Variants in PKHD1 observed in about 807,000 individuals in gnomAD.
PKHD1 encodes fibrocystin.
In PKHD1, 291 loss-of-function variants were observed where a neutral mutation model predicts 412.0. That is an observed-to-expected ratio of 0.71 (90% confidence interval 0.64 to 0.78). PKHD1 has a LOEUF of 0.78. Among genes scored for constraint, PKHD1 ranks in the 30% least tolerant of loss-of-function variants. The probability of loss-of-function intolerance (pLI) is 0.00; values close to 1 mark genes in which losing one functional copy is unlikely to be tolerated. For synonymous variants in PKHD1, 1,777 were observed against 1,821.5 expected, an observed-to-expected ratio of 0.98 and a Z score of 0.62; for missense variants, 4,825 against 4,950.7, an observed-to-expected ratio of 0.97 and a Z score of 0.76.
intron 26 of PKHD1, 99 bp from the exon 27 acceptor site, chr6:52,043,233 G>A (rs921093072): frequency 1.8e-5 from 17 of 953,864 alleles, no homozygotes; most frequent in Non-Finnish European, 2.7e-5. Flanking sequence ...TTCCTTCTCT[G>A]CCCCCATCCC....
At chr6:52,030,642 C>T (rs576071564) in intron 29 of PKHD1, among the ~76,000 whole-genome samples, 2 of 151,432 alleles carry the variant, frequency 1.3e-5, no homozygotes, top group African/African-American at 4.9e-5. Flanking sequence ...AGTATTGGGC[C>T]ACCATCCAGA....
At chr6:51,725,509 AAAG>A (rs771595386) in intron 60 of PKHD1, among the ~76,000 whole-genome samples, 1 of 152,302 alleles carries the variant, frequency 6.6e-6, no homozygotes, top group South Asian at 2.1e-4. Context: ...GAGGAAATGC[AAAG>A]AAGAAGGAAA....
intron 60 of PKHD1, among the ~76,000 whole-genome samples, chr6:51,666,693 C>A (rs541571999): frequency 2.6e-5 from 3 of 113,370 alleles, no homozygotes; most frequent in Non-Finnish European, 5.2e-5. Context: ...ATCCCTCCCC[C>A]CTCCCCCCAC....
Position 51,619,425 on chromosome 6 carries a change from G to A in PKHD1, c.11881C>T (p.Arg3961Ter), listed in dbSNP as rs144193508. 67 of 1,613,672 alleles carry A rather than the reference G, an allele frequency of 4.2e-5. No individual in the cohort carries two copies. The highest frequency in any genetic ancestry group is 4.7e-5 in the Non-Finnish European group (55 of 1,179,658). ...SRRKVSRHIVREEEAAVPAPG... is the reference protein window; with the variant it reads ...SRRKVSRHIV Reference sequence around the variant, plus strand: ...GCAGGCACAGCAGCCTCTTCCTCTCGGACAATGTGGCGGCTAACTTTCCTT... The same window carrying A: ...GCAGGCACAGCAGCCTCTTCCTCTCAGACAATGTGGCGGCTAACTTTCCTT... Residue 3961 changes from arginine (R) to a stop codon, truncating the protein, a stop_gained, in exon 67 of 67, where the codon CGA becomes TGA. Transcript: ENST00000371117. LOFTEE classifies it low-confidence loss of function (END_TRUNC).
chr6:51,948,643 A>T (rs1789840796), intron 36 of PKHD1, among the ~76,000 whole-genome samples: 1 of 152,244 alleles, frequency 6.6e-6, no homozygotes, highest in Non-Finnish European at 1.5e-5. Context: ...GTGTTAAGTG[A>T]TCACTCAATA....
chr6:52,010,232 TG>T lies in PKHD1; in HGVS notation c.5751+76del, dbSNP rs763884683. The T allele has an allele frequency of 4.3e-5, 57 of 1,321,118 alleles. 1 individual carries two copies. The highest frequency in any genetic ancestry group is 2.3e-4 in the South Asian group (19 of 83,018). The allele number at this position is 1,321,118 out of a possible 1,614,324, so 81.8% of individuals were successfully genotyped here. A position where few individuals can be genotyped will look rare whatever the true frequency, so the allele number is the denominator to read the frequency against. ...TATATCGCTGCCATTTGGACTAAAT[TG>T]TTTTTTTAATGTACACAATATTACA... On this transcript the variant is annotated intron_variant, in intron 35 of 66. Transcript: ENST00000371117.
chr6:51,895,894 CA>C (rs1779852485), intron 43 of PKHD1, among the ~76,000 whole-genome samples: 1 of 152,072 alleles, frequency 6.6e-6, no homozygotes, highest in Admixed American at 6.6e-5. Context: ...CCTAGTCAAA[CA>C]AAGGGGTGAT....
intron 32 of PKHD1, 39 bp from the exon 33 acceptor site, chr6:52,022,983 A>T (rs1466304439): frequency 6.2e-7 from 1 of 1,612,178 alleles, no homozygotes; most frequent in Admixed American, 1.7e-5. Flanking sequence ...TCATACAGGC[A>T]AATCTCCCTT....
chr6:51,647,335 AC>A, intron 63 of PKHD1, among the ~76,000 whole-genome samples: 1 of 152,266 alleles, frequency 6.6e-6, no homozygotes, highest in Admixed American at 6.5e-5. Flanking sequence ...TTCTCTCTAG[AC>A]CAGGCCCTAA....
intron 38 of PKHD1, 92 bp from the exon 39 acceptor site, chr6:51,912,048 G>A: frequency 9.9e-7 from 1 of 1,014,250 alleles, no homozygotes; most frequent in Non-Finnish European, 1.5e-6. Context: ...TTCTTCCTTT[G>A]GGGATCTATT....
chr6:52,073,305 T>G (rs1396295800), intron 7 of PKHD1, among the ~76,000 whole-genome samples, 158 bp downstream of exon 7: 1 of 152,200 alleles, frequency 6.6e-6, no homozygotes, highest in Non-Finnish European at 1.5e-5. Context: ...TTAACAAAGT[T>G]TGCTGAAGCC....
intron 36 of PKHD1, among the ~76,000 whole-genome samples, chr6:51,934,527 C>G (rs1276741333): frequency 6.6e-6 from 1 of 152,140 alleles, no homozygotes; most frequent in Non-Finnish European, 1.5e-5. Flanking sequence ...TTTAGGTTAG[C>G]TATTACTATT....
chr6:51,786,936 T>G (rs958558847), intron 53 of PKHD1, among the ~76,000 whole-genome samples: 1 of 152,240 alleles, frequency 6.6e-6, no homozygotes, highest in Non-Finnish European at 1.5e-5. Flanking sequence ...AAATTGAGTT[T>G]GGCATTTGTG....
At chr6:51,986,453 G>A (rs1359872213) in intron 35 of PKHD1, among the ~76,000 whole-genome samples, 1 of 152,194 alleles carries the variant, frequency 6.6e-6, no homozygotes, top group East Asian at 1.9e-4. Flanking sequence ...CCAGATGTGA[G>A]ACTTGCAGTC....
At chr6:51,836,598 AT>A in intron 50 of PKHD1, 129 bp from the exon 51 acceptor site, 1 of 709,200 alleles carries the variant, frequency 1.4e-6, no homozygotes, top group East Asian at 2.7e-5. Flanking sequence ...GAAAAATGAA[AT>A]CCTTGTTAGT....
chr6:52,024,873 T>C lies in PKHD1; in HGVS notation c.4937A>G (p.His1646Arg). Residue 1646 changes from histidine to arginine, a missense_variant, in exon 32 of 67, where the codon CAC becomes CGC. Transcript: ENST00000371117. Reference sequence around the variant, plus strand: ...CTTGTTATAACCAATGACTCCTATGTGATACCAAAGTCCATCTACCTCTAT... The same window carrying C: ...CTTGTTATAACCAATGACTCCTATGCGATACCAAAGTCCATCTACCTCTAT... ...LEIEVDGLWY[H>R]IGVIGYNKAF... 2 of 1,614,200 alleles carry C rather than the reference T, an allele frequency of 1.2e-6. No individual in the cohort carries two copies. Among genetic ancestry groups the C allele is most frequent in the Non-Finnish European group, 1.7e-6 (2 of 1,180,032 alleles).
rs566194121 is a variant in PKHD1, at chr6:51,830,432, G to A, written c.8302+429C>T. Reference sequence around the variant, plus strand: ...GCAATTTTCAAAACTCATAGCAACCGAAGAGCTTGTCATTTTTCCTCAGTC... The same window carrying A: ...GCAATTTTCAAAACTCATAGCAACCAAAGAGCTTGTCATTTTTCCTCAGTC... On this transcript the variant is annotated intron_variant, in intron 52 of 66. Transcript: ENST00000371117. Among the ~76,000 whole-genome samples, 9 of 152,150 alleles carry A rather than the reference G, an allele frequency of 5.9e-5. No homozygotes were observed. The East Asian group carries it at 9.7e-4, about 16-fold the overall frequency.
chr6:51,854,644 G>A (rs1397328212), intron 49 of PKHD1, among the ~76,000 whole-genome samples: 2 of 152,138 alleles, frequency 1.3e-5, no homozygotes, highest in African/African-American at 2.4e-5. Flanking sequence ...GAGATCCTGC[G>A]GGGAAGCCCT....
chr6:51,623,430 T>A (rs368137325), intron 66 of PKHD1, among the ~76,000 whole-genome samples: 1 of 152,142 alleles, frequency 6.6e-6, no homozygotes, highest in East Asian at 1.9e-4. Flanking sequence ...CCTATACAAT[T>A]TTTTGGACTG....
Sources: gnomAD v4.1 joint callset for allele counts (sites outside exome capture counted in the v4.1 genomes callset) on GRCh38, gnomAD v4.1.1 for gene constraint, MANE v1.5 for transcripts, NCBI Gene and HGNC (gene_info 2026-07-23, HGNC 2026-07-21) for gene names.